The following LINGO2 variants were observed in gnomAD, a reference collection of about 807,000 sequenced individuals.
The protein encoded by LINGO2 is leucine-rich repeat and immunoglobulin-like domain-containing nogo receptor-interacting protein 2.
LINGO2 carries 14 observed loss-of-function variants against 30.6 expected under a neutral mutation model. The ratio of observed to expected loss-of-function variants is 0.46; its 90% CI spans 0.30 to 0.72. The LOEUF is 0.72. LINGO2 is among the 30% of genes least tolerant of loss of function. The pLI is 0.07. For missense variants in LINGO2, 729 were observed against 751.7 expected, an observed-to-expected ratio of 0.97 and a Z score of 0.35; for synonymous variants, 317 against 288.5, an observed-to-expected ratio of 1.10 and a Z score of -1.00.
chr9:28,946,406 G>A, the LINGO2 span, among the ~76,000 whole-genome samples: 4 of 152,222 alleles, frequency 2.6e-5, no homozygotes, highest in African/African-American at 9.6e-5. Context: ...AAAGATGCTT[G>A]AATTGAAAAG....
intron 1 of LINGO2, among the ~76,000 whole-genome samples, chr9:28,631,546 G>C (rs1005207953): frequency 2.6e-5 from 4 of 152,100 alleles, no homozygotes; most frequent in African/African-American, 9.7e-5. Flanking sequence ...TGTCAAAGAT[G>C]GTTGTAGATG....
intron 4 of LINGO2, among the ~76,000 whole-genome samples, chr9:28,066,153 C>G (rs946352655): frequency 1.3e-5 from 2 of 151,966 alleles, no homozygotes; most frequent in Admixed American, 6.6e-5. Flanking sequence ...CTTAATTTAC[C>G]TAATCTTTAA....
chr9:28,424,471 C>T (rs954742233), intron 2 of LINGO2, among the ~76,000 whole-genome samples: 1 of 152,102 alleles, frequency 6.6e-6, no homozygotes, highest in Non-Finnish European at 1.5e-5. Flanking sequence ...CCAGACAACA[C>T]AACAACTAAC....
chr9:29,009,265 G>A, the LINGO2 span, among the ~76,000 whole-genome samples: 1 of 152,178 alleles, frequency 6.6e-6, no homozygotes, highest in East Asian at 1.9e-4. Flanking sequence ...CAGATGACAT[G>A]ATTGTATATT....
chr9:27,999,383 A>T (rs920913216), intron 5 of LINGO2, among the ~76,000 whole-genome samples: 1 of 151,562 alleles, frequency 6.6e-6, no homozygotes, highest in Non-Finnish European at 1.5e-5. Context: ...TGGCCGACGA[A>T]CTGCAGATTT....
chr9:28,306,945 C>T (rs1000546064), intron 3 of LINGO2, among the ~76,000 whole-genome samples: 5 of 152,032 alleles, frequency 3.3e-5, no homozygotes, highest in Non-Finnish European at 7.4e-5. Flanking sequence ...CAATAGCTTA[C>T]CAACCAAAAA....
chr9:27,951,703 G>A (rs1819321654), intron 5 of LINGO2, among the ~76,000 whole-genome samples: 1 of 151,940 alleles, frequency 6.6e-6, no homozygotes, highest in African/African-American at 2.4e-5. Flanking sequence ...GGGTTCTCAG[G>A]GGTACACTTT....
At chr9:28,210,804 A>C (rs905363690) in intron 4 of LINGO2, among the ~76,000 whole-genome samples, 1 of 151,050 alleles carries the variant, frequency 6.6e-6, no homozygotes, top group Non-Finnish European at 1.5e-5. Context: ...TTATATTTTT[A>C]TTTTTTTCAT....
At chr9:28,198,611 G>GGAA (rs1820103885) in intron 4 of LINGO2, among the ~76,000 whole-genome samples, 1 of 152,102 alleles carries the variant, frequency 6.6e-6, no homozygotes, top group Admixed American at 6.5e-5. Context: ...GGAACTTCCA[G>GGAA]CTGCTGAGAG....
chr9:28,504,398 C>T (rs547955934), intron 1 of LINGO2, among the ~76,000 whole-genome samples: 2 of 151,366 alleles, frequency 1.3e-5, no homozygotes, highest in African/African-American at 4.8e-5. Flanking sequence ...ATAAACATAC[C>T]GTGGCATAAT....
chr9:28,197,390 AC>A (rs1820052519), intron 4 of LINGO2, among the ~76,000 whole-genome samples: 1 of 152,022 alleles, frequency 6.6e-6, no homozygotes, highest in Non-Finnish European at 1.5e-5. Context: ...TTTAAAAAAA[AC>A]AGATTAAAAC....
At chr9:29,179,548 A>G in the LINGO2 span, among the ~76,000 whole-genome samples, 1 of 151,778 alleles carries the variant, frequency 6.6e-6, no homozygotes, top group South Asian at 2.1e-4. Flanking sequence ...GAGACTACAC[A>G]TGTGTGCCAC....
chr9:28,531,167 T>C (rs187180972), intron 1 of LINGO2, among the ~76,000 whole-genome samples: 93 of 151,872 alleles, frequency 6.1e-4, no homozygotes, highest in African/African-American at 2.1e-3. Context: ...TATTTCCAAG[T>C]AAACATTTCT....
the LINGO2 span, among the ~76,000 whole-genome samples, chr9:29,179,930 T>A: frequency 6.6e-6 from 1 of 152,074 alleles, no homozygotes; most frequent in African/African-American, 2.4e-5. Context: ...AGTTTCAAAA[T>A]CAAAACTTAA....
intron 1 of LINGO2, among the ~76,000 whole-genome samples, chr9:28,581,731 T>C (rs1443989251): frequency 2.0e-5 from 3 of 151,870 alleles, no homozygotes; most frequent in Admixed American, 2.0e-4. Flanking sequence ...TGAGATATAT[T>C]TAAAGGTTTC....
chr9:28,347,905 G>T (rs536603014), intron 3 of LINGO2, among the ~76,000 whole-genome samples: 2 of 152,208 alleles, frequency 1.3e-5, no homozygotes, highest in Admixed American at 6.5e-5. Flanking sequence ...CTACTATGTT[G>T]TTACTGCCTC....
At chr9:27,987,812 TAC>T (rs1247578595) in intron 5 of LINGO2, among the ~76,000 whole-genome samples, 2 of 151,828 alleles carry the variant, frequency 1.3e-5, no homozygotes, top group South Asian at 2.1e-4. Flanking sequence ...AATATATATA[TAC>T]ACACACACAA....
chr9:28,015,174 A>G (rs561362257), intron 4 of LINGO2, among the ~76,000 whole-genome samples: 8 of 152,306 alleles, frequency 5.3e-5, no homozygotes, highest in African/African-American at 1.9e-4. Flanking sequence ...GAAATATATT[A>G]GTGGGAAGTA....
At chr9:28,549,961 T>A (rs1035560733) in intron 1 of LINGO2, among the ~76,000 whole-genome samples, 1 of 151,956 alleles carries the variant, frequency 6.6e-6, no homozygotes, top group Non-Finnish European at 1.5e-5. Context: ...TGTATTTTAA[T>A]TATCTTCACA....
Sources: allele counts gnomAD v4.1 joint callset (sites outside exome capture counted in the v4.1 genomes callset), GRCh38; gene constraint gnomAD v4.1.1; transcripts MANE v1.5; gene names NCBI Gene and HGNC (gene_info 2026-07-23, HGNC 2026-07-21).